Variants in ZC3H4 observed in about 807,000 individuals in gnomAD.
The protein encoded by ZC3H4 is zinc finger CCCH domain-containing protein 4.
A neutral mutation model predicts 108.3 loss-of-function variants in ZC3H4; 13 were observed. The ratio of observed to expected loss-of-function variants is 0.12; its 90% CI spans 0.08 to 0.19. The LOEUF (loss-of-function observed/expected upper bound fraction) is 0.19, where lower values mean the gene tolerates loss of function less well. ZC3H4 is among the 10% of genes least tolerant of loss of function. The pLI is 1.00. For synonymous variants in ZC3H4, 917 were observed against 749.6 expected (o/e 1.22, Z -3.65); for missense variants, 1,734 against 1,838.8 (o/e 0.94, Z 1.04).
In ZC3H4 at chr19:47,069,980, A is replaced by C. The variant is rs368550235; in HGVS notation, c.2147-637T>G. Among the ~76,000 whole-genome samples the C allele has an allele frequency of 2.0e-5, 3 of 151,756 alleles. No homozygotes were observed. In the East Asian group the frequency reaches 5.8e-4, roughly 29 times the overall value. On this transcript the variant is annotated intron_variant, in intron 13 of 14. Transcript: ENST00000253048. ...TGGCACCAGCCACCTCACCCCACAC[A>C]CTCCCCCAGTGCCTGAGCCAAGAGC...
intron 2 of ZC3H4, among the ~76,000 whole-genome samples, chr19:47,103,805 G>T (rs536758649): frequency 1.3e-5 from 2 of 151,210 alleles, no homozygotes; most frequent in South Asian, 4.2e-4. Flanking sequence ...TAAGCCAGGC[G>T]TGGTGGCAGG....
intron 2 of ZC3H4, among the ~76,000 whole-genome samples, chr19:47,096,306 T>C (rs1266844269): frequency 6.6e-6 from 1 of 152,268 alleles, no homozygotes; most frequent in Non-Finnish European, 1.5e-5. Context: ...GTGCACCTTG[T>C]GTTGCTTCCC....
At chr19:47,079,713 T>C (rs560757466) in intron 11 of ZC3H4, among the ~76,000 whole-genome samples, 3 of 152,146 alleles carry the variant, frequency 2.0e-5, no homozygotes, top group African/African-American at 7.2e-5. Flanking sequence ...CTGGCCAACA[T>C]GGTGAAACCC....
At chr19:47,083,685 G>A (rs2057564512) in intron 9 of ZC3H4, among the ~76,000 whole-genome samples, 1 of 152,164 alleles carries the variant, frequency 6.6e-6, no homozygotes, top group African/African-American at 2.4e-5. Context: ...CTCCAGCCTG[G>A]GTGACAGTGA....
At chr19:47,085,507 G>A in intron 6 of ZC3H4, 93 bp from the exon 7 acceptor site, 3 of 1,156,650 alleles carry the variant, frequency 2.6e-6, no homozygotes, top group Non-Finnish European at 3.6e-6. Context: ...GAAGGATGGT[G>A]ACCATCCAGG....
Position 47,066,860 on chromosome 19 carries a change from C to G in ZC3H4, c.3408G>C (p.Gly1136=). The G allele has an allele frequency of 3.1e-6, 5 of 1,598,810 alleles. No individual in the cohort carries two copies. The highest frequency in any genetic ancestry group is 4.2e-6 in the Non-Finnish European group (5 of 1,179,170). ...LAAGGLGQGG[G]GGQSSVLSGI... ...CGCTCAGCACACTGCTCTGCCCGCC[C>G]CCTCCGCCCTGGCCCAGTCCACCGG... Residue 1136 remains glycine (G), a synonymous_variant, in exon 15 of 15, where the codon GGG becomes GGC. Coordinates refer to ENST00000253048, the MANE Select transcript of ZC3H4 (RefSeq NM_015168.2).
chr19:47,070,779 G>A (rs2084036300), intron 13 of ZC3H4, among the ~76,000 whole-genome samples: 1 of 152,074 alleles, frequency 6.6e-6, no homozygotes, highest in African/African-American at 2.4e-5. Context: ...CCGTCGGAGG[G>A]GCAGGCACCC....
intron 14 of ZC3H4, among the ~76,000 whole-genome samples, chr19:47,068,580 G>A (rs1487057869): frequency 6.6e-6 from 1 of 152,172 alleles, no homozygotes; most frequent in Admixed American, 6.5e-5. Flanking sequence ...CTGCGCTACA[G>A]TCAGGGCCAC....
At chr19:47,076,493 GGGGTGATGGAAT>G (rs1318711221) in intron 11 of ZC3H4, among the ~76,000 whole-genome samples, 1 of 152,226 alleles carries the variant, frequency 6.6e-6, no homozygotes, top group Non-Finnish European at 1.5e-5. Context: ...CAGAGTTTCT[GGGGTGATGGAAT>G]GGGTTTCCTA....
rs772181862 is a variant in ZC3H4, at chr19:47,084,335, C to T, written c.1218+10G>A. The T allele has an allele frequency of 9.9e-6, 16 of 1,613,578 alleles. No homozygotes were observed. Among genetic ancestry groups the T allele is most frequent in the South Asian group, 9.9e-5 (9 of 91,078 alleles). On this transcript the variant is annotated intron_variant, in intron 9 of 14. Coordinates refer to ENST00000253048, the MANE Select transcript of ZC3H4 (RefSeq NM_015168.2). Reference sequence around the variant, plus strand: ...CCTCCTAGAGGTGCCCAGCTTTCAGCGCTCCTTACCCAGGTGCAGCGCCCT... The same window carrying T: ...CCTCCTAGAGGTGCCCAGCTTTCAGTGCTCCTTACCCAGGTGCAGCGCCCT...
chr19:47,101,550 T>A lies in ZC3H4; in HGVS notation c.162-6942A>T, dbSNP rs111735561. 9.2e-4 allele frequency among the ~76,000 whole-genome samples: 140 copies of A among 151,866 alleles called. 1 individual carries two copies. Among genetic ancestry groups the A allele is most frequent in the Middle Eastern group, 6.8e-3 (2 of 294 alleles). ...AGCCTCTATAAATAACTAAAAAAAA[T>A]TTTTTTTCCATAATAAAAAGTTAAG... On this transcript the variant is annotated intron_variant, in intron 2 of 14. Transcript: ENST00000253048.
chr19:47,068,776 G>A (rs2057268475), intron 14 of ZC3H4, among the ~76,000 whole-genome samples: 1 of 152,198 alleles, frequency 6.6e-6, no homozygotes, highest in Non-Finnish European at 1.5e-5. Flanking sequence ...GGGGCTGTGA[G>A]GGTCTCCCTA....
intron 4 of ZC3H4, among the ~76,000 whole-genome samples, chr19:47,093,453 A>C (rs931758829): frequency 5.3e-5 from 8 of 152,202 alleles, no homozygotes; most frequent in African/African-American, 1.9e-4. Context: ...TGGACCAGTC[A>C]GCATCTTTCT....
chr19:47,094,374 G>C lies in ZC3H4; in HGVS notation c.381+15C>G, dbSNP rs1396593106. On this transcript the variant is annotated intron_variant, in intron 3 of 14. Coordinates refer to ENST00000253048, the MANE Select transcript of ZC3H4 (RefSeq NM_015168.2). The stretch of plus-strand genomic sequence containing the variant: ...AATGCCAGGCAGTGGCAGTCCCAGG[G>C]GATCTCCGACCTACTTTGTGCTTGG... 1.2e-6 allele frequency: 2 copies of C among 1,613,426 alleles called. No homozygotes were observed. Among genetic ancestry groups the C allele is most frequent in the Non-Finnish European group, 1.7e-6 (2 of 1,179,906 alleles).
chr19:47,082,331 G>A lies in ZC3H4; in HGVS notation c.1219-36C>T, dbSNP rs8104981. The A allele has an allele frequency of 4.0e-5, 60 of 1,506,674 alleles. No individual in the cohort carries two copies. In the African/African-American group the frequency reaches 6.5e-4, roughly 16 times the overall value. 93.3% of individuals were successfully genotyped at this position (1,506,674 alleles called of 1,614,324 possible). A position where few individuals can be genotyped will look rare whatever the true frequency, so the allele number is the denominator to read the frequency against. On this transcript the variant is annotated intron_variant, in intron 9 of 14. Coordinates refer to ENST00000253048, the MANE Select transcript of ZC3H4 (RefSeq NM_015168.2). ...AGCAACAAAAACATAAGGTGGTGGCGTGGGAAGCTCTTGCTTACTTCTGTC... is the reference window on the plus strand; with the variant it reads ...AGCAACAAAAACATAAGGTGGTGGCATGGGAAGCTCTTGCTTACTTCTGTC...
chr19:47,093,491 C>T (rs577155983), intron 4 of ZC3H4, among the ~76,000 whole-genome samples: 5 of 152,252 alleles, frequency 3.3e-5, no homozygotes, highest in East Asian at 1.9e-4. Context: ...TTGCTAAGGC[C>T]GCATGGAGGA....
In ZC3H4 at chr19:47,086,549, A is replaced by G; in HGVS notation, c.716-11T>C. The G allele has an allele frequency of 6.4e-7, 1 of 1,570,794 alleles. No individual in the cohort carries two copies. The highest frequency in any genetic ancestry group is 8.6e-7 in the Non-Finnish European group (1 of 1,167,522). ...CCCGGCCTCGGCTGCCTGCATGGAG[A>G]TTCAGATAGTGAGCCTCCAGCAGGA... is the stretch of plus-strand genomic sequence containing the variant. On this transcript the variant is annotated splice_polypyrimidine_tract_variant and intron_variant, in intron 5 of 14. Transcript: ENST00000253048.
intron 13 of ZC3H4, among the ~76,000 whole-genome samples, chr19:47,071,359 G>A (rs893471469): frequency 6.6e-5 from 10 of 152,228 alleles, no homozygotes; most frequent in Admixed American, 3.3e-4. Flanking sequence ...GCAGGAAAAC[G>A]GCCGGTAATG....
chr19:47,066,752 C>T lies in ZC3H4; in HGVS notation c.3516G>A (p.Lys1172=). The T allele has an allele frequency of 6.2e-7, 1 of 1,604,878 alleles. No individual in the cohort carries two copies. Among genetic ancestry groups the T allele is most frequent in the Non-Finnish European group, 8.5e-7 (1 of 1,178,398 alleles). ...EPAADTGAQP[K]GAEGNGKSSA... ...AGCTCTTGCCATTGCCCTCAGCACC[C>T]TTGGGCTGGGCACCCGTGTCAGCAG... Residue 1172 remains lysine (K), a synonymous_variant, in exon 15 of 15, where the codon AAG becomes AAA. Coordinates refer to ENST00000253048, the MANE Select transcript of ZC3H4 (RefSeq NM_015168.2).
Sources: allele counts gnomAD v4.1 joint callset (sites outside exome capture counted in the v4.1 genomes callset), GRCh38; gene constraint gnomAD v4.1.1; transcripts MANE v1.5; gene names NCBI Gene and HGNC (gene_info 2026-07-23, HGNC 2026-07-21).